CLTB: variants seen among roughly 807,000 people sequenced by gnomAD.
CLTB encodes clathrin light chain B, also known as clathrin, light chain (Lcb).
In CLTB, 10 loss-of-function variants were observed where a neutral mutation model predicts 30.5. That is an observed-to-expected ratio of 0.33 (90% CI 0.20 to 0.56). CLTB has a LOEUF of 0.56. Among genes scored for constraint, CLTB ranks in the 20% least tolerant of loss-of-function variants. The probability of loss-of-function intolerance (pLI) is 0.91; values close to 1 mark genes in which losing one functional copy is unlikely to be tolerated. For synonymous variants in CLTB, 102 were observed against 120.3 expected, an observed-to-expected ratio of 0.85 and a Z score of 1.00; for missense variants, 261 against 308.3, an observed-to-expected ratio of 0.85 and a Z score of 1.15.
rs988955884 is a variant in CLTB at position 176,393,987 on chromosome 5, A to G, written c.519-1042T>C. On this transcript the variant is annotated intron_variant, in intron 5 of 5. Coordinates refer to ENST00000310418, the MANE Select transcript of CLTB (RefSeq NM_007097.5). The surrounding 1 kb of genome is among the most constrained non-coding windows in gnomAD (Gnocchi z 4.4). Reference sequence around the variant, plus strand: ...ACATGACTGATGGCAGGAGCGCTCCATGGAAGAGCTGACCCCGGATCAGGT... The same window carrying G: ...ACATGACTGATGGCAGGAGCGCTCCGTGGAAGAGCTGACCCCGGATCAGGT... Among the ~76,000 whole-genome samples the G allele has an allele frequency of 3.9e-5, 6 of 152,188 alleles. No homozygotes were observed. The highest frequency in any genetic ancestry group is 1.4e-4 in the African/African-American group (6 of 41,444).
At position 176,392,631 on chromosome 5, in the gene CLTB, C is replaced by G; in HGVS notation, c.*143G>C. On this transcript the variant is annotated 3_prime_UTR_variant, in exon 6 of 6. Transcript: ENST00000310418. The surrounding 1 kb of genome is among the most constrained non-coding windows in gnomAD (Gnocchi z 5.2). Reference sequence around the variant, plus strand: ...GGAGCGAGGCGTGATGGGGTGAGGGCCCCCCTCCCAGCGCCTGGAGATGGG... The same window carrying G: ...GGAGCGAGGCGTGATGGGGTGAGGGGCCCCCTCCCAGCGCCTGGAGATGGG... 2.1e-6 allele frequency: 2 copies of G among 933,994 alleles called. No individual in the cohort carries two copies. Among genetic ancestry groups the G allele is most frequent in the South Asian group, 3.2e-5 (2 of 62,592 alleles). 57.9% of individuals were successfully genotyped at this position (933,994 alleles called of 1,614,324 possible).
At position 176,405,697 on chromosome 5, in the gene CLTB, C is replaced by T. The variant is rs1200135703; in HGVS notation, c.234+4560G>A. The T allele has an allele frequency of 3.3e-5, 5 of 152,024 alleles. No individual in the cohort carries two copies. The East Asian group carries it at 7.7e-4, about 23-fold the overall frequency. The allele number at this position is 152,024 out of a possible 1,614,324, so 9.4% of individuals were successfully genotyped here. ...AAACAAGTAGCTGGGTACACAGGGG[C>T]GTGGAGGGCACGGGACGAGCGCTGG... On this transcript the variant is annotated intron_variant, in intron 2 of 5. Coordinates refer to ENST00000310418, the MANE Select transcript of CLTB (RefSeq NM_007097.5).
At chr5:176,404,277 G>GC (rs989561897) in intron 2 of CLTB, among the ~76,000 whole-genome samples, 1 of 152,154 alleles carries the variant, frequency 6.6e-6, no homozygotes, top group African/African-American at 2.4e-5. Context: ...AGCTCCGGTT[G>GC]CCCCCAGGTC....
chr5:176,399,114 G>T (rs1165108630), intron 2 of CLTB, among the ~76,000 whole-genome samples: 1 of 152,070 alleles, frequency 6.6e-6, no homozygotes, highest in African/African-American at 2.4e-5. Context: ...CAAGTGCTGG[G>T]ATTACAGGCT....
chr5:176,408,807 G>A (rs115311405), intron 2 of CLTB, among the ~76,000 whole-genome samples: 64 of 152,266 alleles, frequency 4.2e-4, no homozygotes, highest in African/African-American at 1.5e-3. Flanking sequence ...GGCGTAAGCC[G>A]CCGTGCCCGG....
intron 1 of CLTB, among the ~76,000 whole-genome samples, chr5:176,412,723 T>TGA (rs1757507474): frequency 6.6e-6 from 1 of 152,158 alleles, no homozygotes; most frequent in African/African-American, 2.4e-5. Context: ...AACCAGTGAT[T>TGA]GATTCCAACC....
intron 2 of CLTB, 51 bp downstream of exon 2, chr5:176,410,206 T>G: frequency 6.5e-7 from 1 of 1,530,492 alleles, no homozygotes; most frequent in Non-Finnish European, 9.0e-7. Context: ...TTTAGGTTAC[T>G]GAGACCAGGG....
At chr5:176,394,147 G>C (rs1291536064) in intron 5 of CLTB, among the ~76,000 whole-genome samples, 2 of 152,222 alleles carry the variant, frequency 1.3e-5, no homozygotes, top group Admixed American at 6.5e-5. Context: ...TGGAAAAAAG[G>C]AAAGTGCTGC....
chr5:176,410,406 G>T, intron 1 of CLTB, 103 bp from the exon 2 acceptor site: 5 of 852,810 alleles, frequency 5.9e-6, no homozygotes, highest in Non-Finnish European at 1.9e-6. Context: ...GTATACCCAT[G>T]TATATATCGA....
At position 176,397,613 on chromosome 5, in the gene CLTB, T is replaced by C; in HGVS notation, c.458A>G (p.Asn153Ser). ...GTCCCTACAGCCCTCTCACCGGTTG[T>C]TGATCTTGTTCTTCTCTACTTGTTC... The part of the protein sequence containing the change: ...QSEQVEKNKI[N>S]NRIADKAFYQ... The change falls in exon 4 of 6, where the codon AAC (asparagine) becomes AGC (serine). Residue 153 changes from asparagine to serine, a missense_variant. Coordinates refer to ENST00000310418, the MANE Select transcript of CLTB (RefSeq NM_007097.5). The C allele has an allele frequency of 6.8e-7, 1 of 1,479,168 alleles. No homozygotes were observed. The highest frequency in any genetic ancestry group is 9.1e-7 in the Non-Finnish European group (1 of 1,095,620). 91.6% of individuals were successfully genotyped at this position (1,479,168 alleles called of 1,614,324 possible). A position where few individuals can be genotyped will look rare whatever the true frequency, so the allele number is the denominator to read the frequency against.
chr5:176,398,189 C>T (rs1385774864), intron 2 of CLTB, 142 bp from the exon 3 acceptor site: 1 of 703,056 alleles, frequency 1.4e-6, no homozygotes, highest in Non-Finnish European at 2.5e-6. Flanking sequence ...CTACACCTAT[C>T]TTTGCACTTG....
At chr5:176,398,129 T>A in intron 2 of CLTB, 82 bp from the exon 3 acceptor site, 1 of 1,281,392 alleles carries the variant, frequency 7.8e-7, no homozygotes, top group South Asian at 1.2e-5. Flanking sequence ...GACCCACTCA[T>A]GTCTGGATAA....
At chr5:176,396,896 A>T (rs1457350943) in intron 4 of CLTB, among the ~76,000 whole-genome samples, 1 of 151,862 alleles carries the variant, frequency 6.6e-6, no homozygotes, top group Non-Finnish European at 1.5e-5. Flanking sequence ...CCTGTTGCCT[A>T]ATACATCACA....
intron 5 of CLTB, among the ~76,000 whole-genome samples, chr5:176,395,148 G>C (rs1298424730): frequency 6.7e-6 from 1 of 148,760 alleles, no homozygotes; most frequent in Non-Finnish European, 1.5e-5. Flanking sequence ...ACTGCAGCCA[G>C]CTGGGCCTTT....
Position 176,393,279 on chromosome 5 carries a change from G to A in CLTB, c.519-334C>T, listed in dbSNP as rs1407519870. On this transcript the variant is annotated intron_variant, in intron 5 of 5. Transcript: ENST00000310418. The surrounding 1 kb of genome is among the most constrained non-coding windows in gnomAD (Gnocchi z 4.4). Reference sequence around the variant, plus strand: ...ACCCTCTGTTCATTACTTCCCCATCGGGAGTTCCCAACCTGAGGTTCCTGA... The same window carrying A: ...ACCCTCTGTTCATTACTTCCCCATCAGGAGTTCCCAACCTGAGGTTCCTGA... Among the ~76,000 whole-genome samples the A allele has an allele frequency of 4.6e-5, 7 of 152,134 alleles. No individual in the cohort carries two copies. Among genetic ancestry groups the A allele is most frequent in the African/African-American group, 7.2e-5 (3 of 41,410 alleles).
chr5:176,402,312 T>A (rs908663926), intron 2 of CLTB, among the ~76,000 whole-genome samples: 3 of 151,994 alleles, frequency 2.0e-5, no homozygotes, highest in African/African-American at 4.8e-5. Context: ...AATAAATAAA[T>A]AAAAATAAAA....
Position 176,392,932 on chromosome 5 carries a change from C to G in CLTB, c.532G>C (p.Ala178Pro). The change falls in exon 6 of 6, where the codon GCT becomes CCT. Residue 178 changes from alanine to proline, a missense_variant. Around this residue, in one of 3 missense-constraint regions of CLTB, gnomAD observed 123 missense variants for 157.0 expected, o/e 0.78. Coordinates refer to ENST00000310418, the MANE Select transcript of CLTB (RefSeq NM_007097.5). The surrounding 1 kb of genome is among the most constrained non-coding windows in gnomAD (Gnocchi z 5.2). ...TCCTCCTTGGATTCCTTCACGAAAG[C>G]CTCCTCGGATGCCCTGCGGGTGGAG... is the stretch of plus-strand genomic sequence containing the variant. ...DIIGYVASEE[A>P]FVKESKEETP... 6.2e-7 allele frequency: 1 copy of G among 1,614,164 alleles called. No homozygotes were observed. The highest frequency in any genetic ancestry group is 8.5e-7 in the Non-Finnish European group (1 of 1,179,990).
intron 2 of CLTB, among the ~76,000 whole-genome samples, chr5:176,400,618 A>G (rs1435290630): frequency 3.3e-5 from 5 of 152,114 alleles, no homozygotes; most frequent in African/African-American, 9.7e-5. Context: ...CGCCCTCCGC[A>G]TTCCTGTCTG....
chr5:176,397,675 G>C lies in CLTB; in HGVS notation c.396C>G (p.Ala132=), dbSNP rs771680718. The change falls in exon 4 of 6, where the codon GCC becomes GCG. Residue 132 remains alanine (A), a synonymous_variant. Coordinates refer to ENST00000310418, the MANE Select transcript of CLTB (RefSeq NM_007097.5). ...GGTTCCACTCCTCCAGGTCCTTCTT[G>C]GCCTTCTCCCGCCATTCCTGTTCCG... ...KVTEQEWREK[A]KKDLEEWNQR... 4 of 1,612,674 alleles carry C rather than the reference G, an allele frequency of 2.5e-6. No homozygotes were observed. Among genetic ancestry groups the C allele is most frequent in the Non-Finnish European group, 2.5e-6 (3 of 1,179,766 alleles).
Sources: gnomAD v4.1 joint callset for allele counts (sites outside exome capture counted in the v4.1 genomes callset) on GRCh38, gnomAD v4.1.1 for gene constraint, gnomAD v4.1.1 regional missense constraint, Gnocchi (gnomAD v3.1) non-coding constraint, MANE v1.5 for transcripts, NCBI Gene and HGNC (gene_info 2026-07-23, HGNC 2026-07-21) for gene names.